SMAD3: variants seen among roughly 807,000 people sequenced by gnomAD.
The protein encoded by SMAD3 is SMAD family member 3.
Under a neutral mutation model 51.8 loss-of-function variants are expected in SMAD3, and 12 were observed. The observed-to-expected ratio is 0.23, with a 90% confidence interval of 0.15 to 0.38. The LOEUF (loss-of-function observed/expected upper bound fraction) is 0.38, where lower values mean the gene tolerates loss of function less well. SMAD3 is among the 10% of genes least tolerant of loss of function. The probability of loss-of-function intolerance (pLI) is 1.00; values close to 1 mark genes in which losing one functional copy is unlikely to be tolerated. For synonymous variants in SMAD3, 238 were observed against 227.7 expected, an observed-to-expected ratio of 1.05 and a Z score of -0.41; for missense variants, 294 against 565.6, an observed-to-expected ratio of 0.52 and a Z score of 4.87.
intron 1 of SMAD3, among the ~76,000 whole-genome samples, chr15:67,095,492 T>G (rs1183016516): frequency 6.6e-6 from 1 of 151,964 alleles, no homozygotes; most frequent in African/African-American, 2.4e-5. Context: ...TCACATAGAG[T>G]TCATGCTCAG....
At chr15:67,171,816 G>C (rs1397174524) in intron 5 of SMAD3, among the ~76,000 whole-genome samples, 1 of 152,178 alleles carries the variant, frequency 6.6e-6, no homozygotes, top group African/African-American at 2.4e-5. Context: ...TCAGATTCCT[G>C]ATATGAAAGG....
At chr15:67,184,592 G>A in intron 6 of SMAD3, 135 bp from the exon 7 acceptor site, 1 of 1,075,090 alleles carries the variant, frequency 9.3e-7, no homozygotes, top group Non-Finnish European at 1.4e-6. Context: ...GGGCTTTGGG[G>A]CCCGTTTGCC....
intron 1 of SMAD3, among the ~76,000 whole-genome samples, chr15:67,143,279 A>G (rs1401030425): frequency 1.3e-5 from 2 of 152,264 alleles, no homozygotes; most frequent in East Asian, 3.8e-4. Context: ...GTCACACTGT[A>G]TTAGAACATA....
At chr15:67,102,732 G>A (rs1245245351) in intron 1 of SMAD3, among the ~76,000 whole-genome samples, 2 of 152,044 alleles carry the variant, frequency 1.3e-5, no homozygotes, top group African/African-American at 2.4e-5. Flanking sequence ...GGGAAGATCT[G>A]GATATACCAT....
chr15:67,123,393 GGA>G (rs2140245243), intron 1 of SMAD3, among the ~76,000 whole-genome samples: 1 of 152,264 alleles, frequency 6.6e-6, no homozygotes, highest in South Asian at 2.1e-4. Flanking sequence ...CAGCTACTCG[GGA>G]GGCTAAGGCA....
intron 1 of SMAD3, among the ~76,000 whole-genome samples, chr15:67,080,871 C>T (rs1960266054): frequency 6.6e-6 from 1 of 152,058 alleles, no homozygotes; most frequent in Non-Finnish European, 1.5e-5. Context: ...GGTTTGTTTC[C>T]GCGATCATCC....
chr15:67,135,290 C>T (rs1190913014), intron 1 of SMAD3, among the ~76,000 whole-genome samples: 2 of 152,182 alleles, frequency 1.3e-5, no homozygotes, highest in African/African-American at 2.4e-5. Flanking sequence ...GGGTCCCAGC[C>T]TGTACCAAAA....
intron 1 of SMAD3, among the ~76,000 whole-genome samples, chr15:67,125,281 T>C (rs1205657316): frequency 1.3e-5 from 2 of 152,262 alleles, no homozygotes; most frequent in Non-Finnish European, 2.9e-5. Flanking sequence ...CTTCTTTCTT[T>C]ATAGAGATTA....
At chr15:67,122,999 A>C (rs1011653789) in intron 1 of SMAD3, among the ~76,000 whole-genome samples, 3 of 152,000 alleles carry the variant, frequency 2.0e-5, no homozygotes, top group African/African-American at 7.3e-5. Flanking sequence ...CAGACTGGCC[A>C]GCATAACAAG....
At position 67,139,301 on chromosome 15, in the gene SMAD3, G is replaced by A. The variant is rs571564868; in HGVS notation, c.207-25594G>A. ...GCCCCGTGATATCTCGTTGCGTCAG[G>A]TTTTCCTATAAAATGTCAAGACGGC... On this transcript the variant is annotated intron_variant, in intron 1 of 8. Transcript: ENST00000327367. Among the ~76,000 whole-genome samples the A allele has an allele frequency of 1.1e-4, 16 of 152,236 alleles. No homozygotes were observed. The South Asian group carries it at 3.3e-3, about 32-fold the overall frequency.
chr15:67,157,408 C>T (rs1018817256), intron 1 of SMAD3, among the ~76,000 whole-genome samples: 3 of 152,208 alleles, frequency 2.0e-5, no homozygotes, highest in Non-Finnish European at 2.9e-5. Flanking sequence ...CATGTATCAG[C>T]CCTGGTCTGG....
intron 1 of SMAD3, among the ~76,000 whole-genome samples, chr15:67,106,935 C>A (rs183240022): frequency 5.3e-5 from 8 of 152,200 alleles, no homozygotes; most frequent in African/African-American, 1.7e-4. Flanking sequence ...CAAAACATAT[C>A]ATTCCCCAGT....
At chr15:67,099,006 C>G in intron 1 of SMAD3, 1 of 702,264 alleles carries the variant, frequency 1.4e-6, no homozygotes, top group Non-Finnish European at 2.6e-6. Flanking sequence ...AGCGTATGTC[C>G]TGAGCGAGGA....
chr15:67,114,229 G>T (rs565238376), intron 1 of SMAD3, among the ~76,000 whole-genome samples: 1 of 152,014 alleles, frequency 6.6e-6, no homozygotes, highest in East Asian at 1.9e-4. Flanking sequence ...CCTCTCTCTC[G>T]CCCACTCCCT....
rs746494089 is a variant in SMAD3, at chr15:67,187,501, G to A, written c.1146G>A (p.Ala382=). 15 of 1,614,082 alleles carry A rather than the reference G, an allele frequency of 9.3e-6. 1 individual carries two copies. The highest frequency in any genetic ancestry group is 6.7e-5 in the Admixed American group (4 of 60,004). ...IRMSFVKGWG[A]EYRRQTVTST... ...TGAGCTTCGTCAAAGGCTGGGGAGCGGAGTACAGGTCAGTTATGGGTGCTG... is the reference window on the plus strand; with the variant it reads ...TGAGCTTCGTCAAAGGCTGGGGAGCAGAGTACAGGTCAGTTATGGGTGCTG... Residue 382 remains alanine (A), a synonymous_variant, in exon 8 of 9, where the codon GCG becomes GCA. Coordinates refer to ENST00000327367, the MANE Select transcript of SMAD3 (RefSeq NM_005902.4).
chr15:67,085,302 T>C (rs1311392316), intron 1 of SMAD3, among the ~76,000 whole-genome samples: 1 of 152,142 alleles, frequency 6.6e-6, no homozygotes, highest in Non-Finnish European at 1.5e-5. Context: ...GTCTGCCTCA[T>C]TGTGAACCAG....
At chr15:67,153,302 G>A (rs923371909) in intron 1 of SMAD3, among the ~76,000 whole-genome samples, 2 of 152,150 alleles carry the variant, frequency 1.3e-5, no homozygotes, top group Non-Finnish European at 2.9e-5. Context: ...GACCAGCCTG[G>A]CCAATATTGT....
At chr15:67,131,377 C>T (rs535531397) in intron 1 of SMAD3, among the ~76,000 whole-genome samples, 21 of 152,272 alleles carry the variant, frequency 1.4e-4, no homozygotes, top group African/African-American at 4.8e-4. Flanking sequence ...AGGAGATAGT[C>T]GTTGAGTTGT....
rs1427313927 is a variant in SMAD3, at chr15:67,194,008, C to G, written c.*3472C>G. The G allele has an allele frequency of 8.6e-6, 2 of 233,192 alleles. No homozygotes were observed. Among genetic ancestry groups the G allele is most frequent in the Non-Finnish European group, 1.7e-5 (2 of 117,966 alleles). The allele number at this position is 233,192 out of a possible 1,614,324, so 14.4% of individuals were successfully genotyped here. ...AGGTTACACCACTCCTTCGTCCTTA[C>G]AGGAGATGTAGGGAGAAGAATCTGC... On this transcript the variant is annotated 3_prime_UTR_variant, in exon 9 of 9. Coordinates refer to ENST00000327367, the MANE Select transcript of SMAD3 (RefSeq NM_005902.4).
Sources: gnomAD v4.1 joint callset for allele counts (sites outside exome capture counted in the v4.1 genomes callset) on GRCh38, gnomAD v4.1.1 for gene constraint, MANE v1.5 for transcripts, NCBI Gene and HGNC (gene_info 2026-07-23, HGNC 2026-07-21) for gene names.